Variants in SYT14 observed in about 807,000 individuals in gnomAD.
SYT14 encodes the protein synaptotagmin 14.
SYT14 carries 32 observed loss-of-function variants against 74.2 expected under a neutral mutation model. That is an observed-to-expected ratio of 0.43 (90% CI 0.33 to 0.58). The LOEUF is 0.58. Among genes scored for constraint, SYT14 ranks in the 20% least tolerant of loss-of-function variants. The pLI is 0.05. For missense variants in SYT14, 791 were observed against 981.8 expected, an observed-to-expected ratio of 0.81 and a Z score of 2.60; for synonymous variants, 298 against 337.7, an observed-to-expected ratio of 0.88 and a Z score of 1.29.
exon 10 of SYT14, chr1:210,165,468 A>T (rs2083446151): frequency 6.6e-6 from 1 of 152,164 alleles, no homozygotes; most frequent in Non-Finnish European, 1.5e-5. Flanking sequence ...TATATTCCAA[A>T]AGCATATTAA....
chr1:210,038,272 C>G (rs2080712348), intron 5 of SYT14, among the ~76,000 whole-genome samples: 2 of 151,998 alleles, frequency 1.3e-5, no homozygotes, highest in South Asian at 2.1e-4. Context: ...AATGGAGTAT[C>G]TTTTTCCACT....
intron 2 of SYT14, among the ~76,000 whole-genome samples, chr1:209,982,974 A>G (rs1015753836): frequency 5.3e-5 from 8 of 150,044 alleles, no homozygotes; most frequent in African/African-American, 2.0e-4. Context: ...TTATGTGTTA[A>G]TTTGCTATAT....
In SYT14 at chr1:210,019,505, ATTAGT is replaced by A. The variant is rs150519191; in HGVS notation, c.1097-1530_1097-1526del. On this transcript the variant is annotated intron_variant, in intron 4 of 9. Transcript: ENST00000637265. ...GGGTTTTAATTTCTGTTTAATTTTA[ATTAGT>A]TTAAATAGCCACATGTGACTATTGG... Among the ~76,000 whole-genome samples, 2,358 of 152,308 alleles carry A rather than the reference ATTAGT, an allele frequency of 0.015. 184 individuals are homozygous for A. The East Asian group carries it at 0.25, about 16-fold the overall frequency.
chr1:210,162,768 T>A (rs1325631174), exon 10 of SYT14: 1 of 445,168 alleles, frequency 2.2e-6, no homozygotes, highest in Admixed American at 2.5e-5. Flanking sequence ...CTTCTGTATT[T>A]TTTTAGTTTA....
intron 2 of SYT14, among the ~76,000 whole-genome samples, chr1:209,957,460 C>G (rs1197450767): frequency 6.6e-6 from 1 of 151,928 alleles, no homozygotes; most frequent in East Asian, 1.9e-4. Context: ...CAGTCTCGCT[C>G]TTGTCACCCA....
At chr1:209,954,645 G>C (rs2078963263) in intron 2 of SYT14, among the ~76,000 whole-genome samples, 2 of 151,720 alleles carry the variant, frequency 1.3e-5, no homozygotes, top group East Asian at 1.9e-4. Context: ...ATTATAATTA[G>C]TATCAATGAT....
intron 2 of SYT14, among the ~76,000 whole-genome samples, chr1:209,996,990 G>C (rs2079809581): frequency 6.6e-6 from 1 of 151,906 alleles, no homozygotes; most frequent in African/African-American, 2.4e-5. Flanking sequence ...ATCTATGCCA[G>C]ACTCATAGCC....
At chr1:210,121,721 G>A (rs1208690573) in intron 7 of SYT14, among the ~76,000 whole-genome samples, 1 of 151,348 alleles carries the variant, frequency 6.6e-6, no homozygotes, top group East Asian at 2.0e-4. Flanking sequence ...GTGAACCCAG[G>A]AGGCAGAGCT....
At chr1:209,943,127 A>G (rs1359427369) in intron 1 of SYT14, among the ~76,000 whole-genome samples, 2 of 152,244 alleles carry the variant, frequency 1.3e-5, no homozygotes, top group Non-Finnish European at 2.9e-5. Context: ...TTACTTTTGA[A>G]TAATTTACAG....
chr1:210,137,655 A>G (rs2082815696), intron 7 of SYT14, among the ~76,000 whole-genome samples: 1 of 148,094 alleles, frequency 6.8e-6, no homozygotes, highest in South Asian at 2.2e-4. Context: ...ATGCTCTGGG[A>G]TTCTGGAAAT....
At chr1:209,976,709 G>A (rs1444309755) in intron 2 of SYT14, among the ~76,000 whole-genome samples, 1 of 152,230 alleles carries the variant, frequency 6.6e-6, no homozygotes, top group Non-Finnish European at 1.5e-5. Flanking sequence ...TTCTGTAGAT[G>A]TGTATTAGGT....
chr1:210,159,679 A>G (rs1263643071), intron 9 of SYT14, among the ~76,000 whole-genome samples: 6 of 152,216 alleles, frequency 3.9e-5, no homozygotes, highest in Admixed American at 3.9e-4. Context: ...GAAATAAGCA[A>G]AACTTTTTAA....
intron 2 of SYT14, among the ~76,000 whole-genome samples, chr1:209,975,769 A>G (rs544989402): frequency 1.4e-3 from 216 of 152,342 alleles, no homozygotes; most frequent in African/African-American, 4.9e-3. Context: ...GAATAGTTTC[A>G]GAAGGAATGA....
intron 2 of SYT14, 164 bp downstream of exon 2, chr1:209,952,920 T>G (rs2078934841): frequency 4.1e-6 from 4 of 970,712 alleles, no homozygotes; most frequent in Non-Finnish European, 6.1e-6. Flanking sequence ...TGCATATTAC[T>G]TATTATGTGA....
intron 5 of SYT14, among the ~76,000 whole-genome samples, chr1:210,048,308 A>G (rs1315790380): frequency 6.6e-6 from 1 of 152,054 alleles, no homozygotes; most frequent in African/African-American, 2.4e-5. Context: ...GTATTAGTCC[A>G]TTTTCACACC....
intron 2 of SYT14, among the ~76,000 whole-genome samples, chr1:209,954,205 G>A (rs2078956226): frequency 6.6e-6 from 1 of 152,210 alleles, no homozygotes; most frequent in Non-Finnish European, 1.5e-5. Flanking sequence ...AAAGGAAAAT[G>A]TTTAGAGGGT....
intron 5 of SYT14, among the ~76,000 whole-genome samples, chr1:210,051,785 C>T (rs1478658076): frequency 6.6e-6 from 1 of 152,112 alleles, no homozygotes; most frequent in Admixed American, 6.5e-5. Flanking sequence ...AACTTATATT[C>T]AGCCAGTATC....
intron 5 of SYT14, among the ~76,000 whole-genome samples, chr1:210,039,033 A>T (rs2080729797): frequency 6.6e-6 from 1 of 152,098 alleles, no homozygotes; most frequent in South Asian, 2.1e-4. Flanking sequence ...TTCCCTCAGG[A>T]ATACCTATGA....
intron 5 of SYT14, among the ~76,000 whole-genome samples, chr1:210,058,569 C>T (rs1237296522): frequency 6.6e-6 from 1 of 152,174 alleles, no homozygotes. Context: ...CTTGGCTGCC[C>T]TCCTCTTGGT....
Sources: allele counts gnomAD v4.1 joint callset (sites outside exome capture counted in the v4.1 genomes callset), GRCh38; gene constraint gnomAD v4.1.1; transcripts MANE v1.5; gene names NCBI Gene and HGNC (gene_info 2026-07-23, HGNC 2026-07-21).